Variants in PRKCB observed in about 807,000 individuals in gnomAD.
The protein encoded by PRKCB is protein kinase C beta type.
A neutral mutation model predicts 81.5 loss-of-function variants in PRKCB; 13 were observed. The observed-to-expected ratio is 0.16, with a 90% CI of 0.10 to 0.25. PRKCB has a LOEUF of 0.25. Ranked by LOEUF, PRKCB falls within the 10% of genes least tolerant of loss-of-function variation. The pLI is 1.00. For missense variants in PRKCB, 509 were observed against 875.7 expected, an observed-to-expected ratio of 0.58 and a Z score of 5.29; for synonymous variants, 335 against 321.4, an observed-to-expected ratio of 1.04 and a Z score of -0.45.
In PRKCB at chr16:24,022,017, G is replaced by A. The variant is rs545448272; in HGVS notation, c.289-10119G>A. 3.9e-5 allele frequency among the ~76,000 whole-genome samples: 6 copies of A among 152,282 alleles called. No individual in the cohort carries two copies. In the East Asian group the frequency reaches 1.2e-3, roughly 29 times the overall value. On this transcript the variant is annotated intron_variant, in intron 3 of 16. Coordinates refer to ENST00000643927, the MANE Select transcript of PRKCB (RefSeq NM_002738.7). ...GCCTAATACCAGGCATGTGGAGATG[G>A]AGCCTCAGCAACAGGAAATACTGGG...
chr16:24,002,328 C>CGT (rs1007221272), intron 3 of PRKCB, among the ~76,000 whole-genome samples: 1 of 54,632 alleles, frequency 1.8e-5, no homozygotes, highest in African/African-American at 5.9e-5. Context: ...TGTGTGCGTG[C>CGT]GTGTGTGTGT....
chr16:24,021,012 C>CTTTCTTTCTTTCTT (rs1965360516), intron 3 of PRKCB, among the ~76,000 whole-genome samples: 14 of 141,644 alleles, frequency 9.9e-5, no homozygotes, highest in African/African-American at 3.0e-4. Flanking sequence ...TTCTTTCTTT[C>CTTTCTTTCTTTCTT]TTTCTTTCTT....
intron 3 of PRKCB, among the ~76,000 whole-genome samples, chr16:24,012,276 A>T (rs1483115368): frequency 6.6e-6 from 1 of 152,152 alleles, no homozygotes; most frequent in Non-Finnish European, 1.5e-5. Context: ...TTTAATCCTC[A>T]CCCTATGAGA....
intron 9 of PRKCB, among the ~76,000 whole-genome samples, chr16:24,133,652 T>A (rs1012950648): frequency 3.3e-5 from 5 of 152,236 alleles, no homozygotes; most frequent in Non-Finnish European, 2.9e-5. Flanking sequence ...TCTGAGCTCA[T>A]GCTCATTGAC....
rs376700674 is a variant in PRKCB at position 24,087,904 on chromosome 16, C to T, written c.530-4887C>T. On this transcript the variant is annotated intron_variant, in intron 5 of 16. Coordinates refer to ENST00000643927, the MANE Select transcript of PRKCB (RefSeq NM_002738.7). ...CCCTGCACCCAGAGCCCCATGCCCA[C>T]GGCAAGCAGTGTTCTCTGGACCAGG... Among the ~76,000 whole-genome samples, 24 of 152,280 alleles carry T rather than the reference C, an allele frequency of 1.6e-4. 1 individual carries two copies. In the East Asian group the frequency reaches 2.5e-3, roughly 16 times the overall value.
At chr16:23,986,829 T>C (rs1318436851) in intron 2 of PRKCB, among the ~76,000 whole-genome samples, 1 of 152,214 alleles carries the variant, frequency 6.6e-6, no homozygotes, top group Non-Finnish European at 1.5e-5. Flanking sequence ...CCCAGTTCAA[T>C]AATGACCCAT....
At chr16:23,890,787 C>G (rs1041513584) in intron 2 of PRKCB, among the ~76,000 whole-genome samples, 13 of 152,174 alleles carry the variant, frequency 8.5e-5, no homozygotes, top group African/African-American at 3.1e-4. Flanking sequence ...TCAGAAACAA[C>G]AACCTTTCTG....
intron 2 of PRKCB, among the ~76,000 whole-genome samples, chr16:23,866,004 A>C (rs1192110846): frequency 1.3e-5 from 2 of 150,048 alleles, no homozygotes; most frequent in African/African-American, 2.5e-5. Flanking sequence ...CTTTGAGTCT[A>C]CCCCACCCTT....
intron 12 of PRKCB, among the ~76,000 whole-genome samples, chr16:24,179,152 A>C (rs78450728): frequency 2.0e-3 from 299 of 152,366 alleles, no homozygotes; most frequent in African/African-American, 6.9e-3. Context: ...AATACTTAAC[A>C]GCTTTGATTG....
chr16:24,021,072 C>CTCCTTCCTTCCT, intron 3 of PRKCB, among the ~76,000 whole-genome samples: 3 of 94,372 alleles, frequency 3.2e-5, no homozygotes, highest in African/African-American at 8.6e-5. Context: ...CCCTCCCTCC[C>CTCCTTCCTTCCT]TTCTTTCTTT....
chr16:24,142,943 C>G (rs1482878667), intron 9 of PRKCB, among the ~76,000 whole-genome samples: 1 of 151,962 alleles, frequency 6.6e-6, no homozygotes, highest in Non-Finnish European at 1.5e-5. Flanking sequence ...GCATGGGATA[C>G]AGAGCTAGGG....
chr16:23,842,463 C>T (rs957135598), intron 2 of PRKCB, among the ~76,000 whole-genome samples: 4 of 152,194 alleles, frequency 2.6e-5, no homozygotes. Context: ...CTTTCATGTA[C>T]TTAGATAGTT....
intron 7 of PRKCB, among the ~76,000 whole-genome samples, chr16:24,110,150 GGAGGGAGAGGAGGGAGAGGGA>G (rs1567377967): frequency 7.7e-4 from 94 of 122,548 alleles, no homozygotes; most frequent in Middle Eastern, 3.9e-3. Flanking sequence ...AGGAGGGAGA[GGAGGGAGAGGAGGGAGAGGGA>G]GAGGGAGAGG....
At position 24,220,200 on chromosome 16, in the gene PRKCB, G is replaced by T. The variant is rs1183703241; in HGVS notation, c.*5384G>T. The T allele has an allele frequency of 3.4e-6, 5 of 1,483,340 alleles. No homozygotes were observed. The highest frequency in any genetic ancestry group is 4.6e-6 in the Non-Finnish European group (5 of 1,086,194). The allele number at this position is 1,483,340 out of a possible 1,614,324, so 91.9% of individuals were successfully genotyped here. ...ATTCTAGTCTTCCAGGATTCACGGT[G>T]CACATGCTGGCATTCAACATGTGGA... On this transcript the variant is annotated 3_prime_UTR_variant, in exon 17 of 17. Transcript: ENST00000643927.
chr16:23,842,076 A>G (rs1297225009), intron 2 of PRKCB, among the ~76,000 whole-genome samples: 3 of 151,980 alleles, frequency 2.0e-5, no homozygotes, highest in Admixed American at 2.0e-4. Flanking sequence ...TGGCCTCCCA[A>G]AGTGTTTGTT....
chr16:23,836,582 T>G (rs1799955415), intron 1 of PRKCB, among the ~76,000 whole-genome samples: 1 of 150,342 alleles, frequency 6.7e-6, no homozygotes, highest in Non-Finnish European at 1.5e-5. Context: ...TGCCCTCTCC[T>G]GCTCTCAGGC....
chr16:23,970,482 G>A (rs1280450517), intron 2 of PRKCB, among the ~76,000 whole-genome samples: 1 of 152,190 alleles, frequency 6.6e-6, no homozygotes, highest in Non-Finnish European at 1.5e-5. Context: ...GAGCCAGACC[G>A]AATTGTGTGC....
chr16:23,850,760 T>G (rs1021109022), intron 2 of PRKCB, among the ~76,000 whole-genome samples: 2 of 152,232 alleles, frequency 1.3e-5, no homozygotes, highest in Admixed American at 6.5e-5. Flanking sequence ...TGGGTCCCCT[T>G]TTCTCTACAT....
intron 9 of PRKCB, among the ~76,000 whole-genome samples, chr16:24,139,522 A>G (rs1477429418): frequency 6.6e-6 from 1 of 152,200 alleles, no homozygotes; most frequent in African/African-American, 2.4e-5. Flanking sequence ...TTTGCTTAAC[A>G]ATAGCAAGTC....
Sources: allele counts gnomAD v4.1 joint callset (sites outside exome capture counted in the v4.1 genomes callset), GRCh38; gene constraint gnomAD v4.1.1; transcripts MANE v1.5; gene names NCBI Gene and HGNC (gene_info 2026-07-23, HGNC 2026-07-21).